Variants in SNX2 observed in about 807,000 individuals in gnomAD.
SNX2 encodes sorting nexin 2.
SNX2 carries 25 observed loss-of-function variants against 69.9 expected under a neutral mutation model. The observed-to-expected ratio is 0.36, with a 90% CI of 0.26 to 0.50. SNX2 has a LOEUF of 0.50. SNX2 is among the 20% of genes least tolerant of loss of function. SNX2 has a pLI of 0.97. For missense variants in SNX2, 551 were observed against 613.3 expected, an observed-to-expected ratio of 0.90 and a Z score of 1.07; for synonymous variants, 229 against 200.4, an observed-to-expected ratio of 1.14 and a Z score of -1.20.
intron 2 of SNX2, among the ~76,000 whole-genome samples, chr5:122,798,415 C>T (rs1323606475): frequency 6.6e-6 from 1 of 152,130 alleles, no homozygotes; most frequent in African/African-American, 2.4e-5. Flanking sequence ...AAGTAAGGAT[C>T]TCATCAACAT....
At chr5:122,798,809 G>C (rs973104514) in intron 2 of SNX2, among the ~76,000 whole-genome samples, 1 of 152,022 alleles carries the variant, frequency 6.6e-6, no homozygotes, top group Non-Finnish European at 1.5e-5. Flanking sequence ...TTTGTAAACT[G>C]TTCCTGATTT....
At chr5:122,794,040 G>T (rs1333008701) in intron 1 of SNX2, among the ~76,000 whole-genome samples, 2 of 151,966 alleles carry the variant, frequency 1.3e-5, no homozygotes, top group African/African-American at 4.8e-5. Flanking sequence ...AAGTACAAGA[G>T]TGGCTCATTC....
chr5:122,814,141 C>A (rs1479045892), intron 7 of SNX2, among the ~76,000 whole-genome samples: 1 of 152,150 alleles, frequency 6.6e-6, no homozygotes, highest in Non-Finnish European at 1.5e-5. Flanking sequence ...ATCTGAGTGC[C>A]TGCTATTACC....
intron 7 of SNX2, among the ~76,000 whole-genome samples, chr5:122,809,805 A>G (rs1753729348): frequency 6.6e-6 from 1 of 152,204 alleles, no homozygotes; most frequent in Admixed American, 6.5e-5. Flanking sequence ...GAACAATTTA[A>G]GAAAAGCTAA....
intron 2 of SNX2, among the ~76,000 whole-genome samples, chr5:122,798,282 A>T (rs573211273): frequency 1.2e-4 from 18 of 152,274 alleles, no homozygotes; most frequent in Admixed American, 9.8e-4. Context: ...CGGTAGGCTT[A>T]TCTATAGCCT....
intron 11 of SNX2, among the ~76,000 whole-genome samples, chr5:122,820,968 TA>T (rs1332279121): frequency 6.6e-6 from 1 of 152,216 alleles, no homozygotes; most frequent in Non-Finnish European, 1.5e-5. Context: ...ATTCATTGAC[TA>T]AAAGAGTTAA....
intron 6 of SNX2, among the ~76,000 whole-genome samples, chr5:122,806,825 C>T (rs1303430396): frequency 2.0e-5 from 3 of 151,822 alleles, no homozygotes; most frequent in Non-Finnish European, 4.4e-5. Flanking sequence ...CCTTTTGAAG[C>T]CATTGTATTC....
intron 1 of SNX2, among the ~76,000 whole-genome samples, chr5:122,785,132 A>T (rs1753056765): frequency 6.6e-6 from 1 of 151,856 alleles, no homozygotes; most frequent in South Asian, 2.1e-4. Context: ...TAGAGGTTTG[A>T]TATCCTCTTA....
intron 1 of SNX2, among the ~76,000 whole-genome samples, chr5:122,784,021 G>A (rs2150000905): frequency 6.6e-6 from 1 of 151,886 alleles, no homozygotes; most frequent in African/African-American, 2.4e-5. Context: ...GTATTTCATA[G>A]TTTTTAGTGC....
chr5:122,803,081 C>G (rs1262068837), intron 5 of SNX2, among the ~76,000 whole-genome samples: 2 of 152,100 alleles, frequency 1.3e-5, no homozygotes, highest in Non-Finnish European at 2.9e-5. Flanking sequence ...AGGGTGGCAT[C>G]TTATAGAACT....
In SNX2 at chr5:122,827,591, A is replaced by T. The variant is rs774712258; in HGVS notation, c.1454A>T (p.Asp485Val). 2.0e-5 allele frequency: 33 copies of T among 1,613,390 alleles called. No individual in the cohort carries two copies. The highest frequency in any genetic ancestry group is 2.7e-5 in the Non-Finnish European group (32 of 1,179,496). ...CTTCAACAGAAAGAACGAGTGAAGG[A>T]TTTTAAAACCGTTATCATCAAGTAC... ...VGRFEKERVK[D>V]FKTVIIKYLE... Residue 485 changes from aspartate to valine, a missense_variant, in exon 14 of 15, where the codon GAT (aspartate) becomes GTT (valine). Transcript: ENST00000379516.
chr5:122,775,026 T>G (rs1561433720), upstream of SNX2: 2 of 1,325,360 alleles, frequency 1.5e-6, no homozygotes. Context: ...GGCTGGCGGG[T>G]CGGCGCGGGC....
chr5:122,801,355 A>G (rs962154986), intron 3 of SNX2, among the ~76,000 whole-genome samples: 1 of 152,318 alleles, frequency 6.6e-6, no homozygotes, highest in Non-Finnish European at 1.5e-5. Context: ...CTGTAATCCC[A>G]GCACTTTGGG....
Position 122,832,933 on chromosome 5 carries a change from A to C in SNX2, c.*3285A>C, listed in dbSNP as rs1407094742. 1 of 152,152 alleles carries C rather than the reference A, an allele frequency of 6.6e-6. No individual in the cohort carries two copies. The highest frequency in any genetic ancestry group is 2.4e-5 in the African/African-American group (1 of 41,430). The allele number at this position is 152,152 out of a possible 1,614,324, so 9.4% of individuals were successfully genotyped here. A position where few individuals can be genotyped will look rare whatever the true frequency, so the allele number is the denominator to read the frequency against. The stretch of plus-strand genomic sequence containing the variant: ...AAGTCATTTTGTTTTAAAGGAAGGG[A>C]GGTTGCTGGTAGTTAGGTGGGAAAA... On this transcript the variant is annotated 3_prime_UTR_variant, in exon 15 of 15. Transcript: ENST00000379516.
At chr5:122,821,746 C>T (rs1250273614) in intron 11 of SNX2, among the ~76,000 whole-genome samples, 3 of 152,084 alleles carry the variant, frequency 2.0e-5, no homozygotes, top group Non-Finnish European at 4.4e-5. Flanking sequence ...TGAGCCATTG[C>T]GCCTGGCCGG....
chr5:122,817,340 G>A lies in SNX2; in HGVS notation c.973G>A (p.Val325Ile). The stretch of plus-strand genomic sequence containing the variant: ...GGATCAGCAACTTAGGAAACTTCAT[G>A]TCAGTGTTGAAGCCTTGGTCTGTCA... Reference protein sequence around the residue: ...NLDQQLRKLHVSVEALVCHRK... With the variant: ...NLDQQLRKLHISVEALVCHRK... The change falls in exon 10 of 15, where the codon GTC (valine) becomes ATC (isoleucine). Residue 325 changes from valine to isoleucine, a missense_variant. By Grantham distance (29) the Val-to-Ile change is conservative (BLOSUM62 3). Transcript: ENST00000379516. The A allele has an allele frequency of 6.2e-7, 1 of 1,613,986 alleles. No homozygotes were observed.
At chr5:122,826,691 C>T (rs1246957056) in intron 12 of SNX2, 32 of 950,504 alleles carry the variant, frequency 3.4e-5, no homozygotes, top group Non-Finnish European at 4.0e-5. Flanking sequence ...TGTACCTGCC[C>T]TTTGAAGAGT....
At chr5:122,821,242 C>G (rs748261386) in intron 11 of SNX2, among the ~76,000 whole-genome samples, 1 of 152,170 alleles carries the variant, frequency 6.6e-6, no homozygotes, top group Non-Finnish European at 1.5e-5. Context: ...TCTCTGACCT[C>G]AGTCATAAAC....
rs1438075298 is a variant in SNX2, at chr5:122,801,626, T to A, written c.391-243T>A. Among the ~76,000 whole-genome samples, 12 of 136,898 alleles carry A rather than the reference T, an allele frequency of 8.8e-5. 1 individual carries two copies. The highest frequency in any genetic ancestry group is 3.1e-5 in the Non-Finnish European group (2 of 63,708). The allele number at this position is 136,898 out of a possible 152,430, so 89.8% of individuals were successfully genotyped here. On this transcript the variant is annotated intron_variant, in intron 3 of 14. Transcript: ENST00000379516. ...TCTTTAAAAAAAAAAAAAAAAAAAA[T>A]TGTTACTTCTCCAAATGGTCTTTTT... is the stretch of plus-strand genomic sequence containing the variant.
Sources: allele counts gnomAD v4.1 joint callset (sites outside exome capture counted in the v4.1 genomes callset), GRCh38; gene constraint gnomAD v4.1.1; transcripts MANE v1.5; gene names NCBI Gene and HGNC (gene_info 2026-07-23, HGNC 2026-07-21).